Variants in SPOCK3 observed in about 807,000 individuals in gnomAD.
SPOCK3 encodes SPARC (osteonectin), cwcv and kazal like domains proteoglycan 3.
A neutral mutation model predicts 56.6 loss-of-function variants in SPOCK3; 30 were observed. That is an observed-to-expected ratio of 0.53 (90% CI 0.40 to 0.72). The LOEUF (loss-of-function observed/expected upper bound fraction) is 0.72, where lower values mean the gene tolerates loss of function less well. Among genes scored for constraint, SPOCK3 ranks in the 30% least tolerant of loss-of-function variants. The pLI, the probability that SPOCK3 is intolerant of heterozygous loss-of-function variation, is 0.00. For missense variants in SPOCK3, 527 were observed against 530.0 expected, an observed-to-expected ratio of 0.99 and a Z score of 0.06; for synonymous variants, 196 against 183.3, an observed-to-expected ratio of 1.07 and a Z score of -0.56.
intron 6 of SPOCK3, among the ~76,000 whole-genome samples, chr4:166,840,487 G>A (rs926131274): frequency 9.9e-5 from 15 of 152,224 alleles, no homozygotes; most frequent in Admixed American, 6.5e-4. Flanking sequence ...GGACTTTTCT[G>A]TTTGTTTATC....
At chr4:166,821,938 T>C (rs1744977252) in intron 6 of SPOCK3, among the ~76,000 whole-genome samples, 2 of 152,004 alleles carry the variant, frequency 1.3e-5, no homozygotes. Context: ...TTATTGTTTA[T>C]AGGATAGATC....
chr4:167,011,768 C>A (rs1181468700), intron 3 of SPOCK3, among the ~76,000 whole-genome samples: 4 of 152,070 alleles, frequency 2.6e-5, no homozygotes, highest in African/African-American at 9.7e-5. Context: ...TTATTGAATT[C>A]AGTCTCTTTT....
chr4:167,110,365 G>A (rs1263090166), intron 2 of SPOCK3, among the ~76,000 whole-genome samples: 1 of 151,910 alleles, frequency 6.6e-6, no homozygotes, highest in Admixed American at 6.6e-5. Context: ...ACCACCATAT[G>A]TACATTTCTT....
chr4:167,217,751 GATAAT>G (rs1441825627), intron 2 of SPOCK3, among the ~76,000 whole-genome samples: 1 of 152,016 alleles, frequency 6.6e-6, no homozygotes, highest in East Asian at 1.9e-4. Flanking sequence ...CTTGGTGGTG[GATAAT>G]ATAACATGTG....
intron 5 of SPOCK3, among the ~76,000 whole-genome samples, chr4:166,912,202 T>A (rs533303944): frequency 1.3e-5 from 2 of 152,288 alleles, no homozygotes; most frequent in African/African-American, 4.8e-5. Flanking sequence ...ATCCTGTTTT[T>A]TTCATCTGGT....
intron 2 of SPOCK3, among the ~76,000 whole-genome samples, chr4:167,160,446 C>T (rs1380783441): frequency 3.9e-5 from 6 of 152,032 alleles, no homozygotes; most frequent in Non-Finnish European, 8.8e-5. Context: ...GAATCAATAT[C>T]GTGAAGATGG....
intron 4 of SPOCK3, among the ~76,000 whole-genome samples, chr4:166,969,446 C>A (rs1013861511): frequency 6.9e-6 from 1 of 145,832 alleles, no homozygotes; most frequent in East Asian, 2.1e-4. Context: ...ATTTCCTCCT[C>A]ACCGTTCTTG....
At chr4:167,183,899 G>A (rs1195829329) in intron 2 of SPOCK3, among the ~76,000 whole-genome samples, 3 of 152,128 alleles carry the variant, frequency 2.0e-5, no homozygotes, top group Non-Finnish European at 4.4e-5. Context: ...TCTAGACATA[G>A]AAACTTTTAT....
chr4:167,211,403 T>C (rs1292346194), intron 2 of SPOCK3, among the ~76,000 whole-genome samples: 1 of 152,044 alleles, frequency 6.6e-6, no homozygotes, highest in Non-Finnish European at 1.5e-5. Context: ...GAAGGCACGA[T>C]TGGTTTTGAA....
At position 167,140,449 on chromosome 4, in the gene SPOCK3, T is replaced by C. The variant is rs182081781; in HGVS notation, c.190-77912A>G. Reference sequence around the variant, plus strand: ...CAAATAACATCATGACTCATTCAATTAGATCCTCTTTTTCCCAATACTGTA... The same window carrying C: ...CAAATAACATCATGACTCATTCAATCAGATCCTCTTTTTCCCAATACTGTA... On this transcript the variant is annotated intron_variant, in intron 2 of 10. Transcript: ENST00000357545. Among the ~76,000 whole-genome samples, 15 of 152,154 alleles carry C rather than the reference T, an allele frequency of 9.9e-5. No homozygotes were observed. The East Asian group carries it at 2.9e-3, about 29-fold the overall frequency.
intron 3 of SPOCK3, among the ~76,000 whole-genome samples, chr4:167,025,611 A>C (rs1751626743): frequency 6.6e-6 from 1 of 152,038 alleles, no homozygotes; most frequent in African/African-American, 2.4e-5. Flanking sequence ...CAGCTTTAGC[A>C]ACTGTCATTA....
chr4:167,054,943 A>G (rs913388772), intron 3 of SPOCK3, among the ~76,000 whole-genome samples: 3 of 152,134 alleles, frequency 2.0e-5, no homozygotes, highest in African/African-American at 7.2e-5. Context: ...TTGTGCTGAG[A>G]ATTTACACCA....
intron 3 of SPOCK3, among the ~76,000 whole-genome samples, chr4:167,007,515 G>T (rs539221415): frequency 1.3e-5 from 2 of 151,710 alleles, no homozygotes; most frequent in South Asian, 4.2e-4. Flanking sequence ...CCTATTCTGA[G>T]GGCCAGTTGT....
intron 3 of SPOCK3, among the ~76,000 whole-genome samples, chr4:167,038,663 CAA>C (rs558863795): frequency 0.019 from 2,000 of 107,980 alleles, 16 homozygotes; most frequent in Middle Eastern, 0.07. Context: ...TTATTTTTTC[CAA>C]AAAAAAAAAA....
At chr4:167,233,614 A>G (rs539182984) in intron 2 of SPOCK3, among the ~76,000 whole-genome samples, 1 of 152,274 alleles carries the variant, frequency 6.6e-6, no homozygotes, top group African/African-American at 2.4e-5. Flanking sequence ...TTACTTTAGT[A>G]GCGATACATC....
chr4:167,139,215 G>A (rs558533341), intron 2 of SPOCK3, among the ~76,000 whole-genome samples: 1 of 152,072 alleles, frequency 6.6e-6, no homozygotes, highest in Admixed American at 6.6e-5. Flanking sequence ...AAGAAGCTGA[G>A]CATATAAATG....
At chr4:166,996,529 A>G (rs770285323) in intron 4 of SPOCK3, among the ~76,000 whole-genome samples, 7 of 152,194 alleles carry the variant, frequency 4.6e-5, no homozygotes, top group Non-Finnish European at 1.0e-4. Flanking sequence ...CATGTATTTC[A>G]TATTAAAGCA....
At chr4:167,078,306 CTCTG>C (rs2150283459) in intron 2 of SPOCK3, among the ~76,000 whole-genome samples, 3 of 120,880 alleles carry the variant, frequency 2.5e-5, no homozygotes, top group East Asian at 2.8e-4. Flanking sequence ...CAGGTCATAA[CTCTG>C]TGTGTGTGTG....
At chr4:167,003,318 A>T (rs1749135134) in intron 3 of SPOCK3, among the ~76,000 whole-genome samples, 1 of 152,200 alleles carries the variant, frequency 6.6e-6, no homozygotes. Context: ...AATAAATATA[A>T]AGAATCAGAT....
Sources: gnomAD v4.1 joint callset for allele counts (sites outside exome capture counted in the v4.1 genomes callset) on GRCh38, gnomAD v4.1.1 for gene constraint, MANE v1.5 for transcripts, NCBI Gene and HGNC (gene_info 2026-07-23, HGNC 2026-07-21) for gene names.